The following SDK1 variants were observed in gnomAD, a reference collection of about 807,000 sequenced individuals.
The protein encoded by SDK1 is sidekick cell adhesion molecule 1, also known as protein sidekick-1.
SDK1 carries 157 observed loss-of-function variants against 245.5 expected under a neutral mutation model. That is an observed-to-expected ratio of 0.64 (90% CI 0.56 to 0.73). The LOEUF is 0.73. Among genes scored for constraint, SDK1 ranks in the 30% least tolerant of loss-of-function variants. The probability of loss-of-function intolerance (pLI) is 0.00; values close to 1 mark genes in which losing one functional copy is unlikely to be tolerated. For missense variants in SDK1, 3,583 were observed against 3,002.3 expected (o/e 1.19, Z -4.52); for synonymous variants, 1,647 against 1,278.5 (o/e 1.29, Z -6.15).
chr7:3,686,200 C>T lies in SDK1; in HGVS notation c.713+44095C>T, dbSNP rs374930816. 1.3e-4 allele frequency among the ~76,000 whole-genome samples: 20 copies of T among 152,268 alleles called. No homozygotes were observed. In the South Asian group the frequency reaches 1.5e-3, roughly 11 times the overall value. On this transcript the variant is annotated intron_variant, in intron 4 of 44. Coordinates refer to ENST00000404826, the MANE Select transcript of SDK1 (RefSeq NM_152744.4). ...AAGTGATTCTCCTGCCTCAGCCTCC[C>T]GAGTAGCTGGGATTACAGGCATCTG...
chr7:3,468,289 T>G (rs1000848573), intron 1 of SDK1, among the ~76,000 whole-genome samples: 1 of 152,200 alleles, frequency 6.6e-6, no homozygotes, highest in Non-Finnish European at 1.5e-5. Flanking sequence ...AAAAAGTGGT[T>G]AATATGATTT....
Position 3,987,178 on chromosome 7 carries a change from A to C in SDK1, c.1995-8A>C, listed in dbSNP as rs1380216967. The C allele has an allele frequency of 6.2e-7, 1 of 1,613,464 alleles. No individual in the cohort carries two copies. Among genetic ancestry groups the C allele is most frequent in the Non-Finnish European group, 8.5e-7 (1 of 1,179,808 alleles). On this transcript the variant is annotated splice_polypyrimidine_tract_variant and splice_region_variant and intron_variant, in intron 13 of 44. Coordinates refer to ENST00000404826, the MANE Select transcript of SDK1 (RefSeq NM_152744.4). ...CCTCTTTTTCCTTTTCATCCCATTC[A>C]ATTCAAGTGAACTGCCTCATTCACC...
At chr7:4,235,715 G>A (rs967666155) in intron 41 of SDK1, among the ~76,000 whole-genome samples, 10 of 152,256 alleles carry the variant, frequency 6.6e-5, no homozygotes, top group Non-Finnish European at 1.2e-4. Context: ...CACTTCCCAG[G>A]GCCTGTGGTT....
intron 1 of SDK1, among the ~76,000 whole-genome samples, chr7:3,588,190 T>C (rs1479930244): frequency 6.6e-6 from 1 of 152,212 alleles, no homozygotes. Context: ...CAGTCAAATA[T>C]AAGGTTTCTT....
intron 1 of SDK1, among the ~76,000 whole-genome samples, chr7:3,377,108 C>A (rs946123562): frequency 6.6e-6 from 1 of 151,990 alleles, no homozygotes; most frequent in Non-Finnish European, 1.5e-5. Context: ...TAAATTTTTT[C>A]TTTTAGGATT....
intron 32 of SDK1, among the ~76,000 whole-genome samples, chr7:4,164,154 G>T (rs1197574604): frequency 6.6e-6 from 1 of 152,202 alleles, no homozygotes; most frequent in African/African-American, 2.4e-5. Flanking sequence ...GAGTTTACCA[G>T]AGCATAGGGG....
chr7:3,375,473 A>G (rs568095662), intron 1 of SDK1, among the ~76,000 whole-genome samples: 28 of 152,310 alleles, frequency 1.8e-4, no homozygotes, highest in African/African-American at 6.5e-4. Flanking sequence ...TTATCCGTGT[A>G]TAGACTCTCC....
rs544577754 is a variant in SDK1 at position 3,409,678 on chromosome 7, G to A, written c.298+107794G>A. ...TTGGAGACAGCAACAGAAGAGAAGA[G>A]CGTTGGGGATGGCTCTGAGTTGAAG... On this transcript the variant is annotated intron_variant, in intron 1 of 44. Coordinates refer to ENST00000404826, the MANE Select transcript of SDK1 (RefSeq NM_152744.4). Among the ~76,000 whole-genome samples the A allele has an allele frequency of 7.2e-5, 11 of 152,278 alleles. No homozygotes were observed. The South Asian group carries it at 2.1e-3, about 29-fold the overall frequency.
chr7:3,957,270 G>T lies in SDK1; in HGVS notation c.1151-1661G>T, dbSNP rs187118705. ...ATGTTGCATGGGACGTGCATGTGCC[G>T]TCTTTTCACGCACACTTGAGCGCAG... On this transcript the variant is annotated intron_variant, in intron 7 of 44. Coordinates refer to ENST00000404826, the MANE Select transcript of SDK1 (RefSeq NM_152744.4). Among the ~76,000 whole-genome samples the T allele has an allele frequency of 8.5e-5, 13 of 152,298 alleles. No individual in the cohort carries two copies. The Middle Eastern group carries it at 0.014, about 159-fold the overall frequency.
At chr7:3,898,475 A>G (rs1781677562) in intron 5 of SDK1, among the ~76,000 whole-genome samples, 1 of 152,236 alleles carries the variant, frequency 6.6e-6, no homozygotes, top group Non-Finnish European at 1.5e-5. Context: ...CATCATTAAA[A>G]TGGAACAATG....
chr7:3,669,212 T>A (rs1783622286), intron 4 of SDK1, among the ~76,000 whole-genome samples: 1 of 152,104 alleles, frequency 6.6e-6, no homozygotes, highest in Admixed American at 6.5e-5. Context: ...GGAATTGAAA[T>A]CCCAAATTAT....
At chr7:3,551,479 G>A (rs1320018501) in intron 1 of SDK1, among the ~76,000 whole-genome samples, 11 of 151,874 alleles carry the variant, frequency 7.2e-5, no homozygotes, top group Non-Finnish European at 1.3e-4. Context: ...AAAATGAGCT[G>A]ATTATGGACA....
At chr7:3,391,967 AT>A (rs1362199367) in intron 1 of SDK1, among the ~76,000 whole-genome samples, 2 of 9,652 alleles carry the variant, frequency 2.1e-4, no homozygotes, top group African/African-American at 1.6e-3. Flanking sequence ...ATATCATGTA[AT>A]ATATATATAT....
chr7:3,907,971 T>G (rs945927404), intron 5 of SDK1, among the ~76,000 whole-genome samples: 1 of 152,170 alleles, frequency 6.6e-6, no homozygotes, highest in African/African-American at 2.4e-5. Context: ...TTGTTGTTGT[T>G]GTTGGCTTGG....
intron 4 of SDK1, among the ~76,000 whole-genome samples, chr7:3,799,316 G>T (rs956465812): frequency 6.6e-6 from 1 of 151,134 alleles, no homozygotes; most frequent in African/African-American, 2.4e-5. Flanking sequence ...TCAAATTGTG[G>T]CATGTTCTTT....
chr7:3,982,239 A>G (rs1005776491), intron 13 of SDK1, among the ~76,000 whole-genome samples: 3 of 152,222 alleles, frequency 2.0e-5, no homozygotes, highest in East Asian at 1.9e-4. Context: ...TTTCAAGCCT[A>G]CTTTTGAGAC....
At position 3,861,451 on chromosome 7, in the gene SDK1, G is replaced by A. The variant is rs575117203; in HGVS notation, c.847+39868G>A. 1.1e-4 allele frequency among the ~76,000 whole-genome samples: 17 copies of A among 152,236 alleles called. No homozygotes were observed. In the South Asian group the frequency reaches 3.3e-3, roughly 30 times the overall value. On this transcript the variant is annotated intron_variant, in intron 5 of 44. Transcript: ENST00000404826. ...CACTGTGCAGGCATTTTTGGGCTTG[G>A]GGAGTGCTTGTGTGCTTCAAACTGA...
chr7:3,934,533 G>A (rs926431881), intron 5 of SDK1, among the ~76,000 whole-genome samples: 5 of 152,258 alleles, frequency 3.3e-5, no homozygotes, highest in Admixed American at 6.5e-5. Flanking sequence ...TGAGGAAGTT[G>A]TAGGAACAGG....
chr7:3,894,165 A>G (rs1781536035), intron 5 of SDK1, among the ~76,000 whole-genome samples: 1 of 152,204 alleles, frequency 6.6e-6, no homozygotes, highest in Non-Finnish European at 1.5e-5. Flanking sequence ...TATATATATC[A>G]TAAATAATCT....
Sources: allele counts gnomAD v4.1 joint callset (sites outside exome capture counted in the v4.1 genomes callset), GRCh38; gene constraint gnomAD v4.1.1; transcripts MANE v1.5; gene names NCBI Gene and HGNC (gene_info 2026-07-23, HGNC 2026-07-21).